Variants in NEXMIF observed in about 807,000 individuals in gnomAD.
NEXMIF encodes the protein XLMR protein related to neurite extension.
In NEXMIF, 8 loss-of-function variants were observed where a neutral mutation model predicts 62.1. The ratio of observed to expected loss-of-function variants is 0.13; its 90% CI spans 0.08 to 0.23. The LOEUF is 0.23. Ranked by LOEUF, NEXMIF falls within the 10% of genes least tolerant of loss-of-function variation. NEXMIF has a pLI of 1.00. For missense variants in NEXMIF, 976 were observed against 1,113.3 expected, an observed-to-expected ratio of 0.88 and a Z score of 1.75; for synonymous variants, 404 against 416.6, an observed-to-expected ratio of 0.97 and a Z score of 0.37.
intron 1 of NEXMIF, among the ~76,000 whole-genome samples, chrX:74,814,090 C>T (rs1354817069): frequency 3.6e-5 from 4 of 111,521 alleles, no homozygotes; most frequent in Non-Finnish European, 7.5e-5. Context: ...GTTACCTGTT[C>T]TCACTCCAAG....
At chrX:74,877,511 G>A (rs2080641425) in intron 1 of NEXMIF, among the ~76,000 whole-genome samples, 1 of 111,043 alleles carries the variant, frequency 9.0e-6, no homozygotes, top group East Asian at 2.8e-4. Flanking sequence ...GGCGTTCTCT[G>A]TATTTCCTGA....
rs1246965563 is a variant in NEXMIF, at chrX:74,880,243, A to G, written c.-48+44640T>C. ...ACACCCCAGTGGAGAAACTCCACAC[A>G]AAGTCAGAGGGATGAGCAAAGGAGA... On this transcript the variant is annotated intron_variant, in intron 1 of 3. Coordinates refer to ENST00000055682, the MANE Select transcript of NEXMIF (RefSeq NM_001008537.3). 6.2e-5 allele frequency among the ~76,000 whole-genome samples: 7 copies of G among 112,266 alleles called. No individual in the cohort carries two copies. The East Asian group carries it at 2.0e-3, about 31-fold the overall frequency.
chrX:74,736,740 T>A lies in NEXMIF; in HGVS notation c.*2665A>T, dbSNP rs2080086171. On this transcript the variant is annotated 3_prime_UTR_variant, in exon 4 of 4. Coordinates refer to ENST00000055682, the MANE Select transcript of NEXMIF (RefSeq NM_001008537.3). The stretch of plus-strand genomic sequence containing the variant: ...TTGCTCATTTCTCAAACTCTGTTTC[T>A]TTTTATGTTTCAGTACAAAGTGACT... 1 of 112,348 alleles carries A rather than the reference T, an allele frequency of 8.9e-6. No homozygotes were observed. The allele number at this position is 112,348 out of a possible 1,213,427, so 9.3% of individuals were successfully genotyped here.
chrX:74,920,524 T>C (rs1262657554), intron 1 of NEXMIF, among the ~76,000 whole-genome samples: 6 of 111,316 alleles, frequency 5.4e-5, no homozygotes, highest in Non-Finnish European at 9.4e-5. Flanking sequence ...TTCTGGATAT[T>C]AGCCCTTTGT....
intron 1 of NEXMIF, among the ~76,000 whole-genome samples, chrX:74,881,049 G>A (rs940941264): frequency 1.8e-5 from 2 of 111,748 alleles, no homozygotes; most frequent in African/African-American, 6.5e-5. Flanking sequence ...ACAGCTTTGA[G>A]GCACTTCTCG....
At chrX:74,849,394 A>C (rs1602249893) in intron 1 of NEXMIF, among the ~76,000 whole-genome samples, 1 of 112,062 alleles carries the variant, frequency 8.9e-6, no homozygotes, top group East Asian at 2.8e-4. Context: ...CCCACTGCAG[A>C]CTCCTGCAAT....
In NEXMIF at chrX:74,741,479, G is replaced by A; in HGVS notation, c.3078C>T (p.Phe1026=). The A allele has an allele frequency of 8.3e-7, 1 of 1,211,497 alleles. No individual in the cohort carries two copies. The highest frequency in any genetic ancestry group is 1.1e-6 in the Non-Finnish European group (1 of 895,438). The change falls in exon 3 of 4, where the codon TTC becomes TTT. Residue 1026 remains phenylalanine, a synonymous_variant. Transcript: ENST00000055682. ...CCAGCTTAGGGCTGCAATGGGCCAG[G>A]AAGTCATCAGTGATATCATCATCGC... The part of the protein sequence containing the change: ...KDGDDDITDD[F]LAHCSPKLVI...
At position 74,875,602 on chromosome X, in the gene NEXMIF, C is replaced by A. The variant is rs777290618; in HGVS notation, c.-48+49281G>T. Among the ~76,000 whole-genome samples, 360 of 111,538 alleles carry A rather than the reference C, an allele frequency of 3.2e-3. 2 individuals are homozygous for A. Among genetic ancestry groups the A allele is most frequent in the African/African-American group, 0.011 (343 of 30,692 alleles). ...TCCTCCTTGTACCTCTGGTAGAGTT[C>A]GGCTGTGAATCCATCTGGTCCTGGA... On this transcript the variant is annotated intron_variant, in intron 1 of 3. Coordinates refer to ENST00000055682, the MANE Select transcript of NEXMIF (RefSeq NM_001008537.3).
chrX:74,825,855 T>C (rs1037719601), intron 1 of NEXMIF, among the ~76,000 whole-genome samples: 5 of 112,541 alleles, frequency 4.4e-5, no homozygotes, highest in African/African-American at 1.6e-4. Context: ...CCGGCCATGA[T>C]CTTGTTCTTT....
At chrX:74,778,879 A>G (rs2080236744) in intron 1 of NEXMIF, among the ~76,000 whole-genome samples, 1 of 111,626 alleles carries the variant, frequency 9.0e-6, no homozygotes, top group African/African-American at 3.3e-5. Flanking sequence ...CGCCCACCTC[A>G]GCCTCCCAAA....
chrX:74,896,090 GTTC>G (rs2080732156), intron 1 of NEXMIF, among the ~76,000 whole-genome samples: 1 of 110,849 alleles, frequency 9.0e-6, no homozygotes, highest in Non-Finnish European at 1.9e-5. Context: ...TGCTTCCTAG[GTTC>G]TTCTGTCAAC....
At chrX:74,869,260 C>T (rs1327481588) in intron 1 of NEXMIF, among the ~76,000 whole-genome samples, 1 of 111,390 alleles carries the variant, frequency 9.0e-6, no homozygotes, top group African/African-American at 3.3e-5. Flanking sequence ...AAGCATTTAA[C>T]AAAATTCAAC....
At chrX:74,872,049 A>G (rs1316806374) in intron 1 of NEXMIF, among the ~76,000 whole-genome samples, 2 of 111,750 alleles carry the variant, frequency 1.8e-5, no homozygotes, top group African/African-American at 6.5e-5. Flanking sequence ...AATCTTCACA[A>G]TTCACGTTCA....
At chrX:74,763,043 T>C (rs1407502077) in intron 1 of NEXMIF, among the ~76,000 whole-genome samples, 2 of 112,094 alleles carry the variant, frequency 1.8e-5, no homozygotes, top group Non-Finnish European at 3.8e-5. Flanking sequence ...TCCTTGCCCA[T>C]GCCTATGTCC....
At chrX:74,914,407 G>C (rs562429609) in intron 1 of NEXMIF, among the ~76,000 whole-genome samples, 2 of 112,077 alleles carry the variant, frequency 1.8e-5, no homozygotes, top group South Asian at 7.5e-4. Flanking sequence ...TGTAATCCCA[G>C]CACTGTAATT....
At chrX:74,798,853 G>C (rs946046725) in intron 1 of NEXMIF, among the ~76,000 whole-genome samples, 3 of 109,656 alleles carry the variant, frequency 2.7e-5, no homozygotes, top group African/African-American at 1.0e-4. Flanking sequence ...AAGATACATG[G>C]GAGGAAAGGG....
chrX:74,743,374 C>A lies in NEXMIF; in HGVS notation c.1183G>T (p.Val395Leu), dbSNP rs759540080. ...GKEEGQEDKG[V>L]EKKDGKDNGE... ...TTATCCTTTCCATCTTTCTTCTCTA[C>A]ACCTTTGTCTTCCTGTCCTTCCTCT... Residue 395 changes from valine to leucine, a missense_variant, in exon 3 of 4, where the codon GTA (valine) becomes TTA (leucine). Physicochemically the swap from Val to Leu is conservative, Grantham distance 32. Transcript: ENST00000055682. The A allele has an allele frequency of 1.7e-6, 2 of 1,211,561 alleles. No homozygotes were observed. Among genetic ancestry groups the A allele is most frequent in the Admixed American group, 2.2e-5 (1 of 46,013 alleles).
chrX:74,793,628 T>G (rs1411642808), intron 1 of NEXMIF, among the ~76,000 whole-genome samples: 1 of 109,612 alleles, frequency 9.1e-6, no homozygotes, highest in Non-Finnish European at 1.9e-5. Context: ...AGACGTAGAT[T>G]TGGTCTTTTC....
chrX:74,761,808 TG>T (rs2080177101), intron 1 of NEXMIF, among the ~76,000 whole-genome samples: 2 of 111,305 alleles, frequency 1.8e-5, no homozygotes, highest in South Asian at 7.6e-4. Flanking sequence ...CTTTTAGTTG[TG>T]GTGTCTAATT....
Sources: gnomAD v4.1 joint callset for allele counts (sites outside exome capture counted in the v4.1 genomes callset) on GRCh38, gnomAD v4.1.1 for gene constraint, MANE v1.5 for transcripts, NCBI Gene and HGNC (gene_info 2026-07-23, HGNC 2026-07-21) for gene names.